The following SI variants were observed in gnomAD, a reference collection of about 807,000 sequenced individuals.
SI encodes sucrase-isomaltase, intestinal.
SI carries 235 observed loss-of-function variants against 253.3 expected under a neutral mutation model. That is an observed-to-expected ratio of 0.93 (90% CI 0.83 to 1.03). SI has a LOEUF of 1.03. Among genes scored for constraint, SI ranks in the 50% least tolerant of loss-of-function variants. The probability of loss-of-function intolerance (pLI) is 0.00; values close to 1 mark genes in which losing one functional copy is unlikely to be tolerated. For synonymous variants in SI, 819 were observed against 712.0 expected (o/e 1.15, Z -2.39); for missense variants, 2,442 against 2,211.1 (o/e 1.10, Z -2.09).
chr3:165,051,854 T>A (rs947576015), intron 13 of SI, among the ~76,000 whole-genome samples: 3 of 151,986 alleles, frequency 2.0e-5, no homozygotes, highest in Non-Finnish European at 2.9e-5. Context: ...AATAATTAAT[T>A]GGTTTTACTG....
At position 164,979,368 on chromosome 3, in the gene SI, C is replaced by T. The variant is rs1363481742; in HGVS notation, c.5478G>A (p.Trp1826Ter). ...CTAAAATTGATGGTGATCTTCATGACCAGTTGATTTCTATTGGTTCTTCTA... is the reference window on the plus strand; with the variant it reads ...CTAAAATTGATGGTGATCTTCATGATCAGTTGATTTCTATTGGTTCTTCTA... ...VTLEEPIEIN[W>*]S The change falls in exon 48 of 48, where the codon TGG becomes TGA. Residue 1826 changes from tryptophan to a stop codon, truncating the protein, a stop_gained. Coordinates refer to ENST00000264382, the MANE Select transcript of SI (RefSeq NM_001041.4). LOFTEE classifies it high-confidence loss of function. 2.5e-6 allele frequency: 4 copies of T among 1,581,720 alleles called. No individual in the cohort carries two copies. Among genetic ancestry groups the T allele is most frequent in the Non-Finnish European group, 3.5e-6 (4 of 1,152,368 alleles).
intron 3 of SI, among the ~76,000 whole-genome samples, chr3:165,071,970 A>G (rs2108107495): frequency 6.6e-6 from 1 of 152,240 alleles, no homozygotes; most frequent in African/African-American, 2.4e-5. Flanking sequence ...CCTGTTACCT[A>G]GGTAACCATT....
At chr3:165,000,386 T>C (rs1718202990) in intron 37 of SI, among the ~76,000 whole-genome samples, 1 of 151,338 alleles carries the variant, frequency 6.6e-6, no homozygotes, top group Admixed American at 6.6e-5. Context: ...TTTAGCAAGA[T>C]GACCATAGTT....
intron 17 of SI, among the ~76,000 whole-genome samples, 194 bp from the exon 18 acceptor site, chr3:165,041,288 C>T (rs560068814): frequency 6.6e-6 from 1 of 151,972 alleles, no homozygotes; most frequent in Non-Finnish European, 1.5e-5. Flanking sequence ...TTTAATTAAA[C>T]TTAATTTTGA....
At chr3:165,050,453 A>C (rs768797874) in intron 13 of SI, among the ~76,000 whole-genome samples, 1 of 152,076 alleles carries the variant, frequency 6.6e-6, no homozygotes, top group Non-Finnish European at 1.5e-5. Context: ...AGACCTAAAC[A>C]TCTCTTGAAG....
chr3:165,031,351 A>G (rs1277058381), intron 24 of SI, among the ~76,000 whole-genome samples: 1 of 147,452 alleles, frequency 6.8e-6, no homozygotes, highest in Non-Finnish European at 1.5e-5. Context: ...TGAAGATTAT[A>G]TATATATAAT....
At chr3:164,993,075 G>T (rs533614900) in intron 41 of SI, among the ~76,000 whole-genome samples, 2 of 151,772 alleles carry the variant, frequency 1.3e-5, no homozygotes, top group South Asian at 4.1e-4. Context: ...CTTATTAAAA[G>T]CTGAGATTAA....
At chr3:165,046,283 C>T (rs546019358) in intron 16 of SI, among the ~76,000 whole-genome samples, 2 of 151,988 alleles carry the variant, frequency 1.3e-5, no homozygotes, top group African/African-American at 2.4e-5. Context: ...TAGTGTCTCT[C>T]TTTAGTCTTG....
At chr3:165,019,298 T>C (rs1559992040) in intron 28 of SI, among the ~76,000 whole-genome samples, 1 of 151,926 alleles carries the variant, frequency 6.6e-6, no homozygotes, top group Non-Finnish European at 1.5e-5. Context: ...AAAGGTAAAC[T>C]TGACAGGGAA....
At chr3:165,070,345 CATATAT>C (rs72166578) in intron 3 of SI, among the ~76,000 whole-genome samples, 13 of 139,472 alleles carry the variant, frequency 9.3e-5, no homozygotes, top group Admixed American at 1.5e-4. Flanking sequence ...CTCTAAACAC[CATATAT>C]ATATATATAT....
Position 164,992,407 on chromosome 3 carries a change from A to C in SI, c.4842-10T>G. 6.5e-7 allele frequency: 1 copy of C among 1,539,696 alleles called. No homozygotes were observed. Among genetic ancestry groups the C allele is most frequent in the Non-Finnish European group, 9.0e-7 (1 of 1,116,704 alleles). The stretch of plus-strand genomic sequence containing the variant: ...TTTTTCATCAAAGAACCTCGACAAA[A>C]TTATCACAAATAATTAAATTAAAAC... On this transcript the variant is annotated splice_polypyrimidine_tract_variant and intron_variant, in intron 41 of 47. Transcript: ENST00000264382.
chr3:165,000,950 A>G (rs1718230537), intron 37 of SI, among the ~76,000 whole-genome samples: 1 of 151,316 alleles, frequency 6.6e-6, no homozygotes, highest in Admixed American at 6.6e-5. Context: ...ATTAGAATAT[A>G]TCTTCAATTA....
At chr3:165,086,267 A>T in the SI span, among the ~76,000 whole-genome samples, 1 of 152,194 alleles carries the variant, frequency 6.6e-6, no homozygotes, top group African/African-American at 2.4e-5. Flanking sequence ...AAAAAAAGAA[A>T]TCCTAATTGA....
intron 45 of SI, 79 bp downstream of exon 45, chr3:164,987,059 A>G (rs1717471157): frequency 3.5e-6 from 4 of 1,142,440 alleles, no homozygotes; most frequent in Non-Finnish European, 5.3e-6. Flanking sequence ...CAGCTTCCAA[A>G]GAACAATAAT....
At chr3:165,048,870 G>A (rs557820130) in intron 15 of SI, among the ~76,000 whole-genome samples, 2 of 152,024 alleles carry the variant, frequency 1.3e-5, no homozygotes, top group East Asian at 3.9e-4. Flanking sequence ...GCCTGCCTCG[G>A]CCTCCCAATG....
At chr3:165,034,125 A>T (rs2108208076) in intron 22 of SI, among the ~76,000 whole-genome samples, 1 of 151,940 alleles carries the variant, frequency 6.6e-6, no homozygotes, top group Non-Finnish European at 1.5e-5. Flanking sequence ...AATTTGCTTA[A>T]AATTTTAGTC....
In SI at chr3:165,074,524, T is replaced by C; in HGVS notation, c.255+7A>G. On this transcript the variant is annotated splice_region_variant and intron_variant, in intron 3 of 47. Coordinates refer to ENST00000264382, the MANE Select transcript of SI (RefSeq NM_001041.4). ...CATTAAAAATATTAAAGACTTTTGC[T>C]GCAGACCTCTGTTGGGAATTGTTCT... The C allele has an allele frequency of 6.3e-7, 1 of 1,592,238 alleles. No individual in the cohort carries two copies. The highest frequency in any genetic ancestry group is 8.6e-7 in the Non-Finnish European group (1 of 1,166,018).
chr3:165,006,006 C>T (rs925415209), intron 37 of SI, among the ~76,000 whole-genome samples: 5 of 152,164 alleles, frequency 3.3e-5, no homozygotes, highest in Admixed American at 3.3e-4. Flanking sequence ...ATTGGCCTTA[C>T]ATAAAAGTTT....
At chr3:165,061,666 C>A (rs888117555) in intron 9 of SI, among the ~76,000 whole-genome samples, 2 of 151,998 alleles carry the variant, frequency 1.3e-5, no homozygotes, top group East Asian at 1.9e-4. Context: ...AAATAATTTT[C>A]TTTTCCATTG....
Sources: gnomAD v4.1 joint callset for allele counts (sites outside exome capture counted in the v4.1 genomes callset) on GRCh38, gnomAD v4.1.1 for gene constraint, MANE v1.5 for transcripts, NCBI Gene and HGNC (gene_info 2026-07-23, HGNC 2026-07-21) for gene names.